MMP16: variants seen among roughly 807,000 people sequenced by gnomAD.
MMP16 encodes matrix metalloproteinase-16.
A neutral mutation model predicts 67.8 loss-of-function variants in MMP16; 12 were observed. The ratio of observed to expected loss-of-function variants is 0.18; its 90% confidence interval spans 0.11 to 0.29. The LOEUF is 0.29. Among genes scored for constraint, MMP16 ranks in the 10% least tolerant of loss-of-function variants. MMP16 has a pLI of 1.00. For synonymous variants in MMP16, 249 were observed against 255.9 expected (o/e 0.97, Z 0.26); for missense variants, 475 against 765.7 (o/e 0.62, Z 4.48).
In MMP16 at chr8:88,167,942, G is replaced by T; in HGVS notation, c.436C>A (p.Pro146Thr). ...CGGCGAATAGCTTTACGAGTCTCAG[G>T]GTCTCCTACTTTTGGAGTTACGTTC... ...IKNVTPKVGD[P>T]ETRKAIRRAF... The change falls in exon 4 of 10, where the codon CCT becomes ACT. Residue 146 changes from proline (P) to threonine (T), a missense_variant. Around this residue, in one of 5 missense-constraint regions of MMP16, gnomAD observed 170 missense variants for 239.6 expected, o/e 0.71. Coordinates refer to ENST00000286614, the MANE Select transcript of MMP16 (RefSeq NM_005941.5). 1 of 1,612,124 alleles carries T rather than the reference G, an allele frequency of 6.2e-7. No individual in the cohort carries two copies. Among genetic ancestry groups the T allele is most frequent in the Non-Finnish European group, 8.5e-7 (1 of 1,179,074 alleles).
At chr8:88,113,504 GAC>G (rs1271094813) in intron 6 of MMP16, among the ~76,000 whole-genome samples, 2 of 151,860 alleles carry the variant, frequency 1.3e-5, no homozygotes, top group East Asian at 3.9e-4. Flanking sequence ...TATTTGAAGA[GAC>G]AGTCAATAAG....
At chr8:88,167,645 A>C (rs753513471) in intron 4 of MMP16, 24 bp downstream of exon 4, 27 of 1,546,774 alleles carry the variant, frequency 1.7e-5, no homozygotes, top group Non-Finnish European at 2.4e-5. Context: ...AAATATTTAC[A>C]CTGTAAAACA....
chr8:88,049,335 A>T (rs1047886754), intron 8 of MMP16, among the ~76,000 whole-genome samples: 8 of 152,210 alleles, frequency 5.3e-5, no homozygotes, highest in Non-Finnish European at 1.0e-4. Context: ...TAAATTAAAC[A>T]TCATTTCTGA....
In MMP16 at chr8:88,129,064, T is replaced by TTA. The variant is rs556247160; in HGVS notation, c.710-10204_710-10203insTA. On this transcript the variant is annotated intron_variant, in intron 4 of 9. Transcript: ENST00000286614. The stretch of plus-strand genomic sequence containing the variant: ...TGAAAAGATGTTACAGATGTTATAG[T>TTA]TGTGTATTGAGTTACTAGAGTAGGT... Among the ~76,000 whole-genome samples, 188 of 151,868 alleles carry TTA rather than the reference T, an allele frequency of 1.2e-3. 1 individual carries two copies. Among genetic ancestry groups the TTA allele is most frequent in the Non-Finnish European group, 2.2e-4 (15 of 67,846 alleles).
chr8:88,075,554 C>G (rs1808633205), intron 6 of MMP16, among the ~76,000 whole-genome samples: 1 of 152,028 alleles, frequency 6.6e-6, no homozygotes, highest in Non-Finnish European at 1.5e-5. Flanking sequence ...AAAACAAACC[C>G]TTCAAACCCA....
At chr8:88,186,745 C>T in intron 2 of MMP16, 147 bp from the exon 3 acceptor site, 2 of 1,124,928 alleles carry the variant, frequency 1.8e-6, no homozygotes, top group Non-Finnish European at 2.4e-6. Context: ...AAAGGGAACA[C>T]TGTGAATTTT....
At chr8:88,253,085 T>C (rs548229965) in intron 1 of MMP16, among the ~76,000 whole-genome samples, 2 of 152,276 alleles carry the variant, frequency 1.3e-5, no homozygotes, top group Admixed American at 6.5e-5. Context: ...TCCTTAACTT[T>C]ATGAAATACT....
chr8:88,070,048 A>G (rs1355981863), intron 7 of MMP16, among the ~76,000 whole-genome samples: 3 of 152,138 alleles, frequency 2.0e-5, no homozygotes, highest in African/African-American at 7.2e-5. Context: ...TTTTATATCA[A>G]TCAGATTGTC....
intron 8 of MMP16, among the ~76,000 whole-genome samples, chr8:88,053,902 G>A (rs1808300342): frequency 6.6e-6 from 1 of 151,846 alleles, no homozygotes; most frequent in South Asian, 2.1e-4. Flanking sequence ...AGTAATAAAG[G>A]CATTTCTATA....
rs1045503064 is a variant in MMP16, at chr8:88,070,674, C to A, written c.1222+3931G>T. 1.3e-5 allele frequency among the ~76,000 whole-genome samples: 2 copies of A among 152,088 alleles called. 1 individual carries two copies. Among genetic ancestry groups the A allele is most frequent in the South Asian group, 4.1e-4 (2 of 4,830 alleles). ...CTGTATCTTCAACTGAGAAAGTCTT[C>A]TGAGCTCTGCCTTGGTTCCCCTACG... On this transcript the variant is annotated intron_variant, in intron 7 of 9. Transcript: ENST00000286614.
At chr8:88,305,167 T>C (rs891001614) in intron 1 of MMP16, among the ~76,000 whole-genome samples, 2 of 152,152 alleles carry the variant, frequency 1.3e-5, no homozygotes, top group Non-Finnish European at 2.9e-5. Context: ...AAAACAGACT[T>C]TAAACCAACA....
At chr8:88,287,372 T>C (rs973778978) in intron 1 of MMP16, among the ~76,000 whole-genome samples, 3 of 152,204 alleles carry the variant, frequency 2.0e-5, no homozygotes, top group African/African-American at 7.2e-5. Flanking sequence ...GCCCGTTCTT[T>C]GGAAGGCAAA....
chr8:88,205,981 G>C (rs10504847), intron 1 of MMP16, among the ~76,000 whole-genome samples: 2 of 151,430 alleles, frequency 1.3e-5, no homozygotes, highest in African/African-American at 4.9e-5. Flanking sequence ...ATTTTATCTC[G>C]AATGGAAATA....
At chr8:88,263,292 C>T (rs1000238585) in intron 1 of MMP16, among the ~76,000 whole-genome samples, 1 of 152,088 alleles carries the variant, frequency 6.6e-6, no homozygotes. Flanking sequence ...TGCAGCTATA[C>T]TGATCCACTT....
intron 1 of MMP16, among the ~76,000 whole-genome samples, chr8:88,210,412 C>G (rs1456355691): frequency 6.6e-6 from 1 of 152,170 alleles, no homozygotes; most frequent in East Asian, 1.9e-4. Flanking sequence ...GATAGAATTA[C>G]AAGGGCTCGC....
intron 6 of MMP16, among the ~76,000 whole-genome samples, chr8:88,081,869 T>C (rs908504170): frequency 1.3e-5 from 2 of 152,284 alleles, no homozygotes; most frequent in East Asian, 3.9e-4. Context: ...AAGTTTAAGC[T>C]GTTGGATTTA....
At chr8:88,276,454 C>A (rs936384465) in intron 1 of MMP16, among the ~76,000 whole-genome samples, 1 of 152,092 alleles carries the variant, frequency 6.6e-6, no homozygotes, top group Non-Finnish European at 1.5e-5. Context: ...CTGCTTCCTG[C>A]ACTCAAATGC....
intron 5 of MMP16, among the ~76,000 whole-genome samples, chr8:88,117,959 T>C (rs2118433621): frequency 6.6e-6 from 1 of 152,212 alleles, no homozygotes; most frequent in South Asian, 2.1e-4. Context: ...TCTTTGCAAC[T>C]ATGTGTGAAA....
chr8:88,290,733 A>G (rs1810914043), intron 1 of MMP16, among the ~76,000 whole-genome samples: 2 of 152,248 alleles, frequency 1.3e-5, no homozygotes, highest in East Asian at 1.9e-4. Flanking sequence ...ACGCACCACC[A>G]TATCTGGCAG....
Sources: allele counts gnomAD v4.1 joint callset (sites outside exome capture counted in the v4.1 genomes callset), GRCh38; gene constraint gnomAD v4.1.1; regional missense constraint gnomAD v4.1.1; transcripts MANE v1.5; gene names NCBI Gene and HGNC (gene_info 2026-07-23, HGNC 2026-07-21).